The following HIVEP1 variants were observed in gnomAD, a reference collection of about 807,000 sequenced individuals.
HIVEP1 encodes the protein zinc finger protein 40.
Under a neutral mutation model 180.0 loss-of-function variants are expected in HIVEP1, and 36 were observed. The ratio of observed to expected loss-of-function variants is 0.20; its 90% CI spans 0.15 to 0.26. The LOEUF (loss-of-function observed/expected upper bound fraction) is 0.26. Ranked by LOEUF, HIVEP1 falls within the 10% of genes least tolerant of loss-of-function variation. HIVEP1 has a pLI of 1.00. For synonymous variants in HIVEP1, 1,239 were observed against 1,239.0 expected, an observed-to-expected ratio of 1.00 and a Z score of 0.00; for missense variants, 3,143 against 3,268.7, an observed-to-expected ratio of 0.96 and a Z score of 0.94.
chr6:12,019,573 C>T (rs186004062), intron 2 of HIVEP1, among the ~76,000 whole-genome samples: 3 of 152,244 alleles, frequency 2.0e-5, no homozygotes, highest in Admixed American at 1.3e-4. Flanking sequence ...CTGTTTCTGC[C>T]GTCAGCTCAG....
At chr6:12,079,323 G>A (rs1311433629) in intron 2 of HIVEP1, among the ~76,000 whole-genome samples, 8 of 151,994 alleles carry the variant, frequency 5.3e-5, no homozygotes, top group Admixed American at 3.3e-4. Context: ...TCTAGTTTAG[G>A]GCTGACAGTA....
intron 2 of HIVEP1, among the ~76,000 whole-genome samples, chr6:12,043,149 A>G (rs1240544160): frequency 6.6e-6 from 1 of 152,166 alleles, no homozygotes; most frequent in African/African-American, 2.4e-5. Flanking sequence ...CCAAAAGGGT[A>G]AGTTTGCCTT....
At chr6:12,145,376 G>A (rs186533831) in intron 7 of HIVEP1, among the ~76,000 whole-genome samples, 2 of 152,194 alleles carry the variant, frequency 1.3e-5, no homozygotes, top group East Asian at 3.9e-4. Context: ...CATGGGGTGG[G>A]GGCCTGGGGG....
At position 12,124,521 on chromosome 6, in the gene HIVEP1, A is replaced by C; in HGVS notation, c.4726A>C (p.Asn1576His). Residue 1576 changes from asparagine (N) to histidine (H), a missense_variant, in exon 4 of 9, where the codon AAT becomes CAT. Physicochemically the swap from Asn to His is moderately conservative, Grantham distance 68. Around this residue, in one of 12 missense-constraint regions of HIVEP1, gnomAD observed 1,357 missense variants for 1,260.5 expected, o/e 1.08. Coordinates refer to ENST00000379388, the MANE Select transcript of HIVEP1 (RefSeq NM_002114.4). ...CACTTCAGGCCCATCTTGCTCTTCT[A>C]ATCCTGTGCATTCTTTGCCAAATCA... ...VFTSGPSCSS[N>H]PVHSLPNQVI... 1 of 1,614,134 alleles carries C rather than the reference A, an allele frequency of 6.2e-7. No homozygotes were observed. Among genetic ancestry groups the C allele is most frequent in the Non-Finnish European group, 8.5e-7 (1 of 1,180,014 alleles).
At chr6:12,196,785 T>C in the HIVEP1 span, among the ~76,000 whole-genome samples, 2 of 152,338 alleles carry the variant, frequency 1.3e-5, no homozygotes, top group Admixed American at 1.3e-4. Context: ...GTTGCCTCAC[T>C]CGATCTCAAG....
downstream of HIVEP1, among the ~76,000 whole-genome samples, chr6:12,168,136 ATATC>A (rs1281790891): frequency 7.5e-5 from 8 of 107,046 alleles, 2 homozygotes; most frequent in Admixed American, 2.1e-4. Flanking sequence ...ATATACGTGT[ATATC>A]TATATTATAT....
intron 2 of HIVEP1, chr6:12,020,343 A>C (rs563013285): frequency 2.1e-6 from 1 of 471,042 alleles, no homozygotes; most frequent in African/African-American, 2.0e-5. Flanking sequence ...TTCAGAAGAA[A>C]GGCTTAGCAT....
At chr6:12,011,896 G>GCGGCCTCCCCTCCTCCCGCCCC (rs1767348751), upstream of HIVEP1, 1 of 43,100 alleles carries the variant, frequency 2.3e-5, no homozygotes, top group African/African-American at 9.2e-5. Flanking sequence ...GTCGCCGCCC[G>GCGGCCTCCCCTCCTCCCGCCCC]CGGCCTCCCC....
chr6:12,018,645 AATG>A (rs1229051788), intron 2 of HIVEP1, among the ~76,000 whole-genome samples: 8 of 152,174 alleles, frequency 5.3e-5, no homozygotes, highest in Non-Finnish European at 8.8e-5. Flanking sequence ...GGTGAAGCAG[AATG>A]ATGATTTAGG....
chr6:12,112,006 T>C (rs1469889579), intron 3 of HIVEP1, among the ~76,000 whole-genome samples: 1 of 152,260 alleles, frequency 6.6e-6, no homozygotes, highest in African/African-American at 2.4e-5. Flanking sequence ...GTTCTTTTTA[T>C]AATTTTATTA....
intron 2 of HIVEP1, among the ~76,000 whole-genome samples, chr6:12,016,599 C>T (rs1375264215): frequency 1.3e-5 from 2 of 152,164 alleles, no homozygotes; most frequent in Admixed American, 1.3e-4. Context: ...ATTTTATGGC[C>T]TCCGTGAATC....
intron 2 of HIVEP1, among the ~76,000 whole-genome samples, chr6:12,052,764 T>G (rs987781803): frequency 6.6e-6 from 1 of 152,214 alleles, no homozygotes; most frequent in Non-Finnish European, 1.5e-5. Flanking sequence ...GTTACCACAA[T>G]TTACTTTCTT....
intron 2 of HIVEP1, among the ~76,000 whole-genome samples, chr6:12,045,896 T>C (rs1770085893): frequency 6.6e-6 from 1 of 152,244 alleles, no homozygotes; most frequent in Admixed American, 6.5e-5. Flanking sequence ...ATAATTGTCT[T>C]TATGCTTTAT....
At chr6:12,141,482 G>A (rs1158154749) in intron 7 of HIVEP1, among the ~76,000 whole-genome samples, 1 of 151,820 alleles carries the variant, frequency 6.6e-6, no homozygotes, top group Non-Finnish European at 1.5e-5. Flanking sequence ...AAAATAACCA[G>A]CTAACATAGT....
chr6:12,014,990 C>T (rs942806508), intron 1 of HIVEP1, among the ~76,000 whole-genome samples: 7 of 152,190 alleles, frequency 4.6e-5, no homozygotes, highest in African/African-American at 1.7e-4. Flanking sequence ...AATGCTCCAG[C>T]CTGGAAGTGA....
At chr6:12,025,185 C>A (rs1581518763) in intron 2 of HIVEP1, among the ~76,000 whole-genome samples, 1 of 152,136 alleles carries the variant, frequency 6.6e-6, no homozygotes, top group East Asian at 1.9e-4. Flanking sequence ...CTTATACTTG[C>A]TGATGTTGAT....
intron 5 of HIVEP1, 31 bp downstream of exon 5, chr6:12,129,923 A>T (rs768608131): frequency 7.0e-7 from 1 of 1,421,548 alleles, no homozygotes. Context: ...TTAAATGTAC[A>T]TTTAAACTGA....
chr6:12,121,237 A>G lies in HIVEP1; in HGVS notation c.1442A>G (p.Lys481Arg). ...GGLFLSHESP[K>R]ALSIHSDVED... Reference sequence around the variant, plus strand: ...TTGTTCTTGTCCCACGAGTCCCCCAAAGCACTTAGTATTCATTCAGACGTA... The same window carrying G: ...TTGTTCTTGTCCCACGAGTCCCCCAGAGCACTTAGTATTCATTCAGACGTA... The change falls in exon 4 of 9, where the codon AAA becomes AGA. Residue 481 changes from lysine to arginine, a missense_variant. Transcript: ENST00000379388. This position sits in a 1 kb window ranked among gnomAD's most constrained non-coding sequence, Gnocchi z 5.3. 6.2e-7 allele frequency: 1 copy of G among 1,614,132 alleles called. No homozygotes were observed. The highest frequency in any genetic ancestry group is 1.1e-5 in the South Asian group (1 of 91,082).
At chr6:12,022,329 C>G (rs549196123) in intron 2 of HIVEP1, among the ~76,000 whole-genome samples, 41 of 152,168 alleles carry the variant, frequency 2.7e-4, no homozygotes, top group African/African-American at 9.2e-4. Context: ...TGCCACCGCA[C>G]CCAGCTAATT....
Sources: gnomAD v4.1 joint callset for allele counts (sites outside exome capture counted in the v4.1 genomes callset) on GRCh38, gnomAD v4.1.1 for gene constraint, gnomAD v4.1.1 regional missense constraint, Gnocchi (gnomAD v3.1) non-coding constraint, MANE v1.5 for transcripts, NCBI Gene and HGNC (gene_info 2026-07-23, HGNC 2026-07-21) for gene names.